Variants in SLIT3 observed in about 807,000 individuals in gnomAD.
SLIT3 encodes slit homolog 3 protein.
A neutral mutation model predicts 184.0 loss-of-function variants in SLIT3; 68 were observed. The observed-to-expected ratio is 0.37, with a 90% CI of 0.30 to 0.45. The LOEUF is 0.45. Among genes scored for constraint, SLIT3 ranks in the 20% least tolerant of loss-of-function variants. The probability of loss-of-function intolerance (pLI) is 1.00; values close to 1 mark genes in which losing one functional copy is unlikely to be tolerated. For missense variants in SLIT3, 1,707 were observed against 2,026.0 expected (o/e 0.84, Z 3.02); for synonymous variants, 831 against 828.6 (o/e 1.00, Z -0.05).
intron 28 of SLIT3, among the ~76,000 whole-genome samples, chr5:168,693,692 C>T (rs758485280): frequency 2.0e-5 from 3 of 152,130 alleles, no homozygotes; most frequent in South Asian, 2.1e-4. Flanking sequence ...TGCCTTAGCT[C>T]CTGCTCCCAG....
intron 4 of SLIT3, among the ~76,000 whole-genome samples, chr5:168,982,315 A>AGAAGAG (rs1268805905): frequency 6.6e-6 from 1 of 152,184 alleles, no homozygotes; most frequent in African/African-American, 2.4e-5. Flanking sequence ...TGGCTTTATA[A>AGAAGAG]GAAGAGGAAG....
intron 4 of SLIT3, among the ~76,000 whole-genome samples, chr5:168,934,365 C>T (rs1476022589): frequency 2.0e-5 from 3 of 152,158 alleles, no homozygotes; most frequent in African/African-American, 4.8e-5. Flanking sequence ...TTAAATGATC[C>T]AGTCAATGAT....
chr5:168,847,198 A>G (rs1758503140), intron 5 of SLIT3, among the ~76,000 whole-genome samples: 1 of 152,232 alleles, frequency 6.6e-6, no homozygotes, highest in Non-Finnish European at 1.5e-5. Flanking sequence ...GAGCTTTACT[A>G]TAAGCATCTC....
At chr5:169,211,736 C>T (rs1764272107) in intron 3 of SLIT3, among the ~76,000 whole-genome samples, 2 of 152,158 alleles carry the variant, frequency 1.3e-5, no homozygotes, top group Admixed American at 1.3e-4. Context: ...GGTTCCCGCA[C>T]CCATTGAACT....
At chr5:169,226,399 A>AC (rs143848784) in intron 3 of SLIT3, among the ~76,000 whole-genome samples, 2,373 of 151,830 alleles carry the variant, frequency 0.016, 79 homozygotes, top group South Asian at 0.11. Flanking sequence ...GATCCCCACT[A>AC]CCCCCCTACT....
At position 168,762,486 on chromosome 5, in the gene SLIT3, G is replaced by A. The variant is rs538847642; in HGVS notation, c.1610+53C>T. On this transcript the variant is annotated intron_variant, in intron 15 of 35. Coordinates refer to ENST00000519560, the MANE Select transcript of SLIT3 (RefSeq NM_003062.4). ...AGGAGACCCTGCCCACGCTGGCTCCGGGTGACTGGCGTGTGGGGAGGAGTA... is the reference window on the plus strand; with the variant it reads ...AGGAGACCCTGCCCACGCTGGCTCCAGGTGACTGGCGTGTGGGGAGGAGTA... 40 of 1,584,962 alleles carry A rather than the reference G, an allele frequency of 2.5e-5. 1 individual carries two copies. Among genetic ancestry groups the A allele is most frequent in the South Asian group, 1.8e-4 (16 of 89,602 alleles).
chr5:168,831,779 C>T (rs780193769), intron 6 of SLIT3, among the ~76,000 whole-genome samples: 1 of 152,098 alleles, frequency 6.6e-6, no homozygotes, highest in Non-Finnish European at 1.5e-5. Flanking sequence ...CCAATTTGGG[C>T]CTTTGATAAT....
At chr5:169,246,473 G>A (rs1297179333) in intron 2 of SLIT3, among the ~76,000 whole-genome samples, 1 of 152,192 alleles carries the variant, frequency 6.6e-6, no homozygotes. Context: ...ATTAGCTGAT[G>A]ATATAAGAGT....
At chr5:169,094,981 C>T (rs1346969702) in intron 4 of SLIT3, among the ~76,000 whole-genome samples, 1 of 152,180 alleles carries the variant, frequency 6.6e-6, no homozygotes, top group Non-Finnish European at 1.5e-5. Context: ...CCCAGGATGG[C>T]TCATGACTCA....
chr5:169,030,759 T>C (rs1756999230), intron 4 of SLIT3, among the ~76,000 whole-genome samples: 1 of 152,152 alleles, frequency 6.6e-6, no homozygotes, highest in South Asian at 2.1e-4. Context: ...ATCATATGAG[T>C]TAAGGAGGAT....
chr5:169,195,853 C>T (rs1763724982), intron 3 of SLIT3, among the ~76,000 whole-genome samples: 1 of 152,036 alleles, frequency 6.6e-6, no homozygotes, highest in African/African-American at 2.4e-5. Flanking sequence ...TACCCCAGTG[C>T]TTTTTATTTT....
chr5:168,681,844 A>T (rs1448354783), intron 32 of SLIT3, among the ~76,000 whole-genome samples: 2 of 152,294 alleles, frequency 1.3e-5, no homozygotes, highest in East Asian at 1.9e-4. Context: ...TGTCCTTGAC[A>T]TGTCTGCGTA....
At chr5:168,721,716 T>A (rs1762946186) in intron 23 of SLIT3, among the ~76,000 whole-genome samples, 1 of 152,206 alleles carries the variant, frequency 6.6e-6, no homozygotes, top group African/African-American at 2.4e-5. Flanking sequence ...TTATTAAGCT[T>A]TGTGTTCTTA....
At chr5:168,986,152 G>A (rs148808262) in intron 4 of SLIT3, among the ~76,000 whole-genome samples, 52 of 152,246 alleles carry the variant, frequency 3.4e-4, no homozygotes, top group South Asian at 2.1e-4. Context: ...ATACTTTTCA[G>A]TTCTTTCATG....
chr5:169,281,916 G>A (rs139782711), intron 1 of SLIT3, among the ~76,000 whole-genome samples: 73 of 152,258 alleles, frequency 4.8e-4, no homozygotes, highest in African/African-American at 1.6e-3. Flanking sequence ...AAACATTTTT[G>A]AGTTGTTATG....
At chr5:168,859,983 A>G (rs1264486546) in intron 5 of SLIT3, among the ~76,000 whole-genome samples, 1 of 152,168 alleles carries the variant, frequency 6.6e-6, no homozygotes, top group Non-Finnish European at 1.5e-5. Flanking sequence ...CTCTTTCCCT[A>G]CCTATCCACA....
chr5:169,178,842 G>A (rs957003153), intron 4 of SLIT3, among the ~76,000 whole-genome samples: 2 of 152,174 alleles, frequency 1.3e-5, no homozygotes, highest in African/African-American at 4.8e-5. Context: ...GATGAAGTCA[G>A]GTTGTTCCTA....
intron 4 of SLIT3, among the ~76,000 whole-genome samples, chr5:169,058,330 T>A (rs1273529348): frequency 6.6e-6 from 1 of 152,166 alleles, no homozygotes; most frequent in Non-Finnish European, 1.5e-5. Context: ...CTGCTTAGGG[T>A]TCCGGGAGGG....
intron 1 of SLIT3, among the ~76,000 whole-genome samples, chr5:169,259,489 T>C (rs575870832): frequency 4.6e-5 from 7 of 152,304 alleles, no homozygotes; most frequent in African/African-American, 1.7e-4. Flanking sequence ...GATAGTGAGA[T>C]CTGTGATAGT....
Sources: allele counts gnomAD v4.1 joint callset (sites outside exome capture counted in the v4.1 genomes callset), GRCh38; gene constraint gnomAD v4.1.1; transcripts MANE v1.5; gene names NCBI Gene and HGNC (gene_info 2026-07-23, HGNC 2026-07-21).